The following PPHLN1 variants were observed in gnomAD, a reference collection of about 807,000 sequenced individuals.
PPHLN1 encodes the protein periphilin-1.
A neutral mutation model predicts 51.3 loss-of-function variants in PPHLN1; 29 were observed. That is an observed-to-expected ratio of 0.57 (90% confidence interval 0.42 to 0.77). The LOEUF is 0.77. PPHLN1 is among the 30% of genes least tolerant of loss of function. The pLI is 0.00. For synonymous variants in PPHLN1, 147 were observed against 147.8 expected (o/e 0.99, Z 0.04); for missense variants, 436 against 438.4 (o/e 0.99, Z 0.05).
intron 9 of PPHLN1, among the ~76,000 whole-genome samples, chr12:42,421,185 G>A (rs1348151303): frequency 6.6e-6 from 1 of 152,134 alleles, no homozygotes; most frequent in Non-Finnish European, 1.5e-5. Flanking sequence ...TACACTGGGA[G>A]GCTCTGAGGT....
downstream of PPHLN1, chr12:42,445,259 T>A (rs548166341): frequency 8.0e-5 from 48 of 600,148 alleles, no homozygotes; most frequent in South Asian, 9.2e-4. Flanking sequence ...CCCAATCACA[T>A]CAATTTTTCC....
At chr12:42,331,959 G>A (rs1193224551) in intron 1 of PPHLN1, 2 of 152,240 alleles carry the variant, frequency 1.3e-5, no homozygotes, top group African/African-American at 4.8e-5. Context: ...TAATCAGGAA[G>A]CTTGCTGTAC....
chr12:42,388,592 G>C (rs919862647), intron 7 of PPHLN1, among the ~76,000 whole-genome samples: 11 of 152,044 alleles, frequency 7.2e-5, no homozygotes, highest in Non-Finnish European at 1.5e-4. Flanking sequence ...GTGAGCGTCG[G>C]TCCCCTGGGC....
chr12:42,357,491 A>C (rs1231975299), intron 4 of PPHLN1, among the ~76,000 whole-genome samples: 1 of 152,220 alleles, frequency 6.6e-6, no homozygotes, highest in East Asian at 1.9e-4. Context: ...TAGCAGTGGC[A>C]TTACAAATCC....
rs148097251 is a variant in PPHLN1 at position 42,391,270 on chromosome 12, ACT to A, written c.649-2297_649-2296del. ...TTTTTGAAGGGCAGAACGGAGTTTC[ACT>A]CTGTCGTCCAGGCTGGAGTGCAATG... On this transcript the variant is annotated intron_variant, in intron 7 of 9. Transcript: ENST00000358314. Among the ~76,000 whole-genome samples, 688 of 152,138 alleles carry A rather than the reference ACT, an allele frequency of 4.5e-3. 7 individuals are homozygous for A. Among genetic ancestry groups the A allele is most frequent in the African/African-American group, 0.016 (665 of 41,520 alleles).
chr12:42,339,782 T>A (rs1050426504), intron 2 of PPHLN1, among the ~76,000 whole-genome samples: 6 of 152,212 alleles, frequency 3.9e-5, no homozygotes, highest in Non-Finnish European at 7.3e-5. Context: ...TTACAAATGA[T>A]ATTTTGCAAT....
rs954004718 is a variant in PPHLN1 at position 42,438,502 on chromosome 12, A to G, written c.910-2813A>G. ...AACAAATGATGTTGAACAATTTTTC[A>G]TATGTTCATTTGCCATCTGAATGTC... On this transcript the variant is annotated intron_variant, in intron 9 of 9. Coordinates refer to ENST00000358314, the MANE Select transcript of PPHLN1 (RefSeq NM_201439.2). Among the ~76,000 whole-genome samples, 14 of 152,282 alleles carry G rather than the reference A, an allele frequency of 9.2e-5. 1 individual carries two copies. Among genetic ancestry groups the G allele is most frequent in the Middle Eastern group, 6.8e-3 (2 of 294 alleles).
intron 4 of PPHLN1, among the ~76,000 whole-genome samples, chr12:42,371,184 G>A (rs1592485454): frequency 1.6e-5 from 2 of 126,944 alleles, no homozygotes; most frequent in Admixed American, 9.7e-5. Context: ...GCAGTGGCAC[G>A]ATCATGGCTC....
chr12:42,442,874 C>A, downstream of PPHLN1: 1 of 1,392,032 alleles, frequency 7.2e-7, no homozygotes, highest in Non-Finnish European at 9.6e-7. Flanking sequence ...TTAAAGCTAG[C>A]AGAGCCTCGG....
At chr12:42,333,753 AT>A (rs2070161571) in intron 1 of PPHLN1, among the ~76,000 whole-genome samples, 3 of 152,180 alleles carry the variant, frequency 2.0e-5, no homozygotes, top group Admixed American at 2.0e-4. Context: ...AAATGCTGGG[AT>A]TACAAGCGTG....
chr12:42,433,444 TC>T (rs1427716514), intron 9 of PPHLN1: 1 of 277,822 alleles, frequency 3.6e-6, no homozygotes, highest in Non-Finnish European at 6.9e-6. Context: ...TGCCTCAGTC[TC>T]CCGGGTAGCT....
rs1049483287 is a variant in PPHLN1 at position 42,409,558 on chromosome 12, TG to T, written c.909+10565del. 8.1e-4 allele frequency among the ~76,000 whole-genome samples: 123 copies of T among 152,294 alleles called. 1 individual carries two copies. The highest frequency in any genetic ancestry group is 2.4e-3 in the African/African-American group (98 of 41,580). ...TATTATTTTAATCATACAATCCCCT[TG>T]TTAGAGTGGTAAGGAATGTTTTCTT... On this transcript the variant is annotated intron_variant, in intron 9 of 9. Coordinates refer to ENST00000358314, the MANE Select transcript of PPHLN1 (RefSeq NM_201439.2).
At chr12:42,399,165 A>G (rs1008681766) in intron 9 of PPHLN1, 171 bp downstream of exon 9, 1 of 1,357,096 alleles carries the variant, frequency 7.4e-7, no homozygotes, top group Non-Finnish European at 9.5e-7. Context: ...TTTGATCAGT[A>G]TGGTCCCCCA....
chr12:42,420,213 T>C (rs1447114596), intron 9 of PPHLN1, among the ~76,000 whole-genome samples: 1 of 152,196 alleles, frequency 6.6e-6, no homozygotes, highest in Non-Finnish European at 1.5e-5. Flanking sequence ...TTTTTACATA[T>C]AATATGTTTA....
At chr12:42,343,785 T>C in intron 2 of PPHLN1, 1 of 361,042 alleles carries the variant, frequency 2.8e-6, no homozygotes. Flanking sequence ...AATTCTTGGC[T>C]ACATTCTCGA....
At chr12:42,420,022 C>T (rs572444740) in intron 9 of PPHLN1, among the ~76,000 whole-genome samples, 1 of 152,196 alleles carries the variant, frequency 6.6e-6, no homozygotes, top group African/African-American at 2.4e-5. Flanking sequence ...TTAGGTTGTT[C>T]CAATTTAATT....
chr12:42,350,863 C>T (rs1441244835), intron 2 of PPHLN1, among the ~76,000 whole-genome samples: 1 of 152,040 alleles, frequency 6.6e-6, no homozygotes, highest in Non-Finnish European at 1.5e-5. Context: ...ACTCGGCAGG[C>T]TGAGGCAGGA....
intron 9 of PPHLN1, among the ~76,000 whole-genome samples, chr12:42,406,430 G>T (rs1036933555): frequency 9.2e-5 from 14 of 152,124 alleles, no homozygotes; most frequent in African/African-American, 3.1e-4. Context: ...TAGTATTTGT[G>T]TCTAGCATCT....
At chr12:42,432,052 A>G in intron 9 of PPHLN1, 4 of 1,564,450 alleles carry the variant, frequency 2.6e-6, no homozygotes, top group Non-Finnish European at 2.6e-6. Context: ...CTGATGGAGG[A>G]TTTGCCACCA....
Sources: allele counts gnomAD v4.1 joint callset (sites outside exome capture counted in the v4.1 genomes callset), GRCh38; gene constraint gnomAD v4.1.1; transcripts MANE v1.5; gene names NCBI Gene and HGNC (gene_info 2026-07-23, HGNC 2026-07-21).